TFR2: variants seen among roughly 807,000 people sequenced by gnomAD.
The protein encoded by TFR2 is transferrin receptor protein 2.
In TFR2, 64 loss-of-function variants were observed where a neutral mutation model predicts 91.9. That is an observed-to-expected ratio of 0.70 (90% CI 0.57 to 0.86). The LOEUF (loss-of-function observed/expected upper bound fraction) is 0.86. Among genes scored for constraint, TFR2 ranks in the 40% least tolerant of loss-of-function variants. The probability of loss-of-function intolerance (pLI) is 0.00; values close to 1 mark genes in which losing one functional copy is unlikely to be tolerated. For synonymous variants in TFR2, 454 were observed against 459.6 expected, an observed-to-expected ratio of 0.99 and a Z score of 0.15; for missense variants, 950 against 1,080.5, an observed-to-expected ratio of 0.88 and a Z score of 1.69.
Position 100,627,728 on chromosome 7 carries a change from TA to T in TFR2, c.1682+15del. 6.2e-7 allele frequency: 1 copy of T among 1,605,164 alleles called. No individual in the cohort carries two copies. The highest frequency in any genetic ancestry group is 1.1e-5 in the South Asian group (1 of 90,870). The stretch of plus-strand genomic sequence containing the variant: ...CCCCACATCCCTCCCCAGCTCTCCC[TA>T]CCCCCCCAACTTACACCTCAGCATC... On this transcript the variant is annotated intron_variant, in intron 14 of 17. Coordinates refer to ENST00000223051, the MANE Select transcript of TFR2 (RefSeq NM_003227.4).
At chr7:100,636,548 T>A (rs1410180001) in intron 3 of TFR2, among the ~76,000 whole-genome samples, 1 of 151,746 alleles carries the variant, frequency 6.6e-6, no homozygotes, top group Admixed American at 6.6e-5. Flanking sequence ...ACTGAACATC[T>A]AGTAAGTGCC....
At chr7:100,640,042 C>T (rs1173992080) in intron 3 of TFR2, 2 of 152,242 alleles carry the variant, frequency 1.3e-5, no homozygotes, top group African/African-American at 4.8e-5. Context: ...CCTCCGCCTC[C>T]CAAAGTGCTG....
rs748623879 is a variant in TFR2 at position 100,626,808 on chromosome 7, C to T, written c.2091G>A (p.Glu697=). Reference sequence around the variant, plus strand: ...ACATGCGTGTCAGTCGCTCGTCTCTCTCCTCCGAGCTGTAGATCTCCTGCC... The same window carrying T: ...ACATGCGTGTCAGTCGCTCGTCTCTTTCCTCCGAGCTGTAGATCTCCTGCC... ...KLRQEIYSSE[E]RDERLTRMYN... The change falls in exon 17 of 18, where the codon GAG becomes GAA. Residue 697 remains glutamate (E), a synonymous_variant. Coordinates refer to ENST00000223051, the MANE Select transcript of TFR2 (RefSeq NM_003227.4). 7.5e-5 allele frequency: 116 copies of T among 1,548,992 alleles called. No homozygotes were observed. Among genetic ancestry groups the T allele is most frequent in the Non-Finnish European group, 9.9e-5 (113 of 1,146,926 alleles).
At chr7:100,634,283 C>G (rs1477862613) in intron 3 of TFR2, among the ~76,000 whole-genome samples, 3 of 152,038 alleles carry the variant, frequency 2.0e-5, no homozygotes, top group Non-Finnish European at 4.4e-5. Flanking sequence ...CTCATCTCCC[C>G]CATCCTCCAC....
intron 16 of TFR2, 103 bp from the exon 17 acceptor site, chr7:100,627,006 C>T: frequency 7.2e-7 from 1 of 1,387,926 alleles, no homozygotes; most frequent in Non-Finnish European, 9.3e-7. Flanking sequence ...GGGCTGGGAC[C>T]CCTGGCCGCA....
rs775430976 is a variant in TFR2 at position 100,641,549 on chromosome 7, C to A, written c.-40G>T. 7 of 1,609,680 alleles carry A rather than the reference C, an allele frequency of 4.3e-6. No homozygotes were observed. The highest frequency in any genetic ancestry group is 2.2e-5 in the East Asian group (1 of 44,636). ...CTGAAGCCTGCAGGCTGTCCCCCAG[C>A]GATAAACCGATAAACCGTTTGTGGG... On this transcript the variant is annotated 5_prime_UTR_variant, in exon 1 of 18. Transcript: ENST00000223051.
intron 17 of TFR2, chr7:100,626,503 A>C: frequency 7.4e-7 from 1 of 1,345,998 alleles, no homozygotes; most frequent in Non-Finnish European, 9.6e-7. Context: ...GGATTGTCCC[A>C]GTTCTGCCAG....
chr7:100,622,415 A>G (rs1044719536), intron 17 of TFR2, among the ~76,000 whole-genome samples: 2 of 151,912 alleles, frequency 1.3e-5, no homozygotes, highest in South Asian at 4.1e-4. Flanking sequence ...TTGGGCCCAC[A>G]CTCATGTGGC....
chr7:100,632,328 C>A, intron 6 of TFR2, 130 bp from the exon 7 acceptor site: 1 of 870,054 alleles, frequency 1.1e-6, no homozygotes, highest in Admixed American at 1.9e-5. Flanking sequence ...GGGGCACTAC[C>A]TGGCCTGTGT....
intron 17 of TFR2, among the ~76,000 whole-genome samples, chr7:100,623,983 C>T (rs1410020622): frequency 6.6e-6 from 1 of 151,344 alleles, no homozygotes; most frequent in South Asian, 2.1e-4. Context: ...TTGAACCCGA[C>T]AGGCAGAGGT....
intron 3 of TFR2, among the ~76,000 whole-genome samples, chr7:100,634,785 G>C (rs1184792312): frequency 6.6e-6 from 1 of 152,164 alleles, no homozygotes; most frequent in Non-Finnish European, 1.5e-5. Context: ...ATCTCAGCCT[G>C]AATGTTTTTC....
rs891003494 is a variant in TFR2 at position 100,626,613 on chromosome 7, CG to C, written c.2136+149del. The C allele has an allele frequency of 2.7e-6, 4 of 1,456,406 alleles. No homozygotes were observed. In the African/African-American group the frequency reaches 5.6e-5, roughly 20 times the overall value. 90.2% of individuals were successfully genotyped at this position (1,456,406 alleles called of 1,614,324 possible). ...CAGCCTGACCGATCTATGAGCACTG[CG>C]TGTCCAGGACTGGGAAGAGAGCATC... is the stretch of plus-strand genomic sequence containing the variant. On this transcript the variant is annotated intron_variant, in intron 17 of 17. Transcript: ENST00000223051.
rs544888299 is a variant in TFR2, at chr7:100,626,669, A to C, written c.2136+94T>G. The C allele has an allele frequency of 3.1e-4, 465 of 1,508,446 alleles. 3 individuals are homozygous for C. The African/African-American group carries it at 6.1e-3, about 20-fold the overall frequency. The allele number at this position is 1,508,446 out of a possible 1,614,324, so 93.4% of individuals were successfully genotyped here. The stretch of plus-strand genomic sequence containing the variant: ...GGACCGGGACTGTGTAGGCGGGGAG[A>C]GAGAGGAGCGCGCAGACGGGGCCAG... On this transcript the variant is annotated intron_variant, in intron 17 of 17. Transcript: ENST00000223051.
At position 100,620,793 on chromosome 7, in the gene TFR2, T is replaced by C. The variant is rs954701145; in HGVS notation, c.*64A>G. The C allele has an allele frequency of 6.6e-5, 106 of 1,604,990 alleles. 1 individual carries two copies. The South Asian group carries it at 1.1e-3, about 17-fold the overall frequency. ...TCTGAGCCACCTCCCTGACCCTGAA[T>C]CATTCAAGCGAGGAGCAGAGGAGCT... is the stretch of plus-strand genomic sequence containing the variant. On this transcript the variant is annotated 3_prime_UTR_variant, in exon 18 of 18. Coordinates refer to ENST00000223051, the MANE Select transcript of TFR2 (RefSeq NM_003227.4).
At chr7:100,621,807 G>A (rs765117641) in intron 17 of TFR2, among the ~76,000 whole-genome samples, 4 of 152,066 alleles carry the variant, frequency 2.6e-5, no homozygotes, top group African/African-American at 7.3e-5. Flanking sequence ...CTGCTGTTCC[G>A]TCTTTCCTGA....
chr7:100,632,041 T>TCGGGACCTGGGAACAG, intron 7 of TFR2, 41 bp downstream of exon 7: 1 of 1,613,998 alleles, frequency 6.2e-7, no homozygotes, highest in South Asian at 1.1e-5. Context: ...AGGTGTGGCC[T>TCGGGACCTGGGAACAG]CGGGACCTGG....
Position 100,633,031 on chromosome 7 carries a change from C to A in TFR2, c.819G>T (p.Val273=). 6.2e-7 allele frequency: 1 copy of A among 1,613,800 alleles called. No homozygotes were observed. Among genetic ancestry groups the A allele is most frequent in the Non-Finnish European group, 8.5e-7 (1 of 1,180,010 alleles). ...GVDPVGRLLL[V]RVGVISFAQK... Reference sequence around the variant, plus strand: ...GGGCGAAGCTGATCACCCCCACGCGCACCAGCAGCAGGCGGCCCACTGGAT... The same window carrying A: ...GGGCGAAGCTGATCACCCCCACGCGAACCAGCAGCAGGCGGCCCACTGGAT... The change falls in exon 6 of 18, where the codon GTG becomes GTT. Residue 273 remains valine, a synonymous_variant. Transcript: ENST00000223051.
At position 100,626,698 on chromosome 7, in the gene TFR2, C is replaced by A. The variant is rs1022777550; in HGVS notation, c.2136+65G>T. On this transcript the variant is annotated intron_variant, in intron 17 of 17. Transcript: ENST00000223051. ...AGGAGCGCGCAGACGGGGCCAGGTC[C>A]AGGAGGTGGAGCCCCAGGGGAGGGG... The A allele has an allele frequency of 1.3e-5, 20 of 1,527,876 alleles. No individual in the cohort carries two copies. The Admixed American group carries it at 2.0e-4, about 15-fold the overall frequency. 94.6% of individuals were successfully genotyped at this position (1,527,876 alleles called of 1,614,324 possible). A position where few individuals can be genotyped will look rare whatever the true frequency, so the allele number is the denominator to read the frequency against.
chr7:100,630,875 G>A lies in TFR2; in HGVS notation c.1270+14C>T. ...CCACCACCAGCTGTGAGTGATACTG[G>A]ACACACAGCATACCTGGCTCTGAGC... On this transcript the variant is annotated intron_variant, in intron 9 of 17. Transcript: ENST00000223051. The A allele has an allele frequency of 6.2e-7, 1 of 1,612,316 alleles. No individual in the cohort carries two copies. Among genetic ancestry groups the A allele is most frequent in the Non-Finnish European group, 8.5e-7 (1 of 1,179,812 alleles).
Sources: allele counts gnomAD v4.1 joint callset (sites outside exome capture counted in the v4.1 genomes callset), GRCh38; gene constraint gnomAD v4.1.1; transcripts MANE v1.5; gene names NCBI Gene and HGNC (gene_info 2026-07-23, HGNC 2026-07-21).